SLC6A6: variants seen among roughly 807,000 people sequenced by gnomAD.
SLC6A6 encodes the protein sodium- and chloride-dependent taurine transporter.
Under a neutral mutation model 68.8 loss-of-function variants are expected in SLC6A6, and 16 were observed. The observed-to-expected ratio is 0.23, with a 90% CI of 0.16 to 0.35. The LOEUF is 0.35. Ranked by LOEUF, SLC6A6 falls within the 10% of genes least tolerant of loss-of-function variation. SLC6A6 has a pLI of 1.00. For missense variants in SLC6A6, 474 were observed against 802.8 expected, an observed-to-expected ratio of 0.59 and a Z score of 4.95; for synonymous variants, 312 against 315.4, an observed-to-expected ratio of 0.99 and a Z score of 0.12.
At chr3:14,484,498 C>T (rs914787095) in intron 14 of SLC6A6, among the ~76,000 whole-genome samples, 1 of 152,174 alleles carries the variant, frequency 6.6e-6, no homozygotes, top group Non-Finnish European at 1.5e-5. Context: ...AGGAACTCAA[C>T]TGCTGCTTTG....
At chr3:14,471,931 C>A (rs1700761368) in intron 9 of SLC6A6, among the ~76,000 whole-genome samples, 1 of 152,164 alleles carries the variant, frequency 6.6e-6, no homozygotes, top group South Asian at 2.1e-4. Context: ...CAGTCTGCAT[C>A]CTACCCCAAA....
chr3:14,413,798 A>G (rs893537339), intron 1 of SLC6A6, among the ~76,000 whole-genome samples: 1 of 152,206 alleles, frequency 6.6e-6, no homozygotes, highest in Admixed American at 6.6e-5. Context: ...TGTCATCTGC[A>G]TCCTTCCTCT....
At chr3:14,474,348 G>C (rs1019130561) in intron 10 of SLC6A6, among the ~76,000 whole-genome samples, 1 of 152,180 alleles carries the variant, frequency 6.6e-6, no homozygotes, top group Non-Finnish European at 1.5e-5. Context: ...CTCATGGCAG[G>C]CTTCTGTGTG....
chr3:14,446,339 G>C (rs1700119835), intron 4 of SLC6A6, among the ~76,000 whole-genome samples: 1 of 152,164 alleles, frequency 6.6e-6, no homozygotes, highest in Non-Finnish European at 1.5e-5. Context: ...ACGTATTCTT[G>C]CTTATAGGTG....
chr3:14,433,223 T>C (rs542029717), intron 2 of SLC6A6, among the ~76,000 whole-genome samples: 78 of 152,112 alleles, frequency 5.1e-4, no homozygotes, highest in Non-Finnish European at 1.0e-3. Flanking sequence ...CCAGAGAGAA[T>C]TGCCCCAGGT....
At position 14,487,049 on chromosome 3, in the gene SLC6A6, C is replaced by A. The variant is rs531008953; in HGVS notation, c.*2042C>A. ...TCTTATATAACTTTAGTAAACTAAC[C>A]ACTGTCAATGATTGAGGGCAGGTGG... is the stretch of plus-strand genomic sequence containing the variant. On this transcript the variant is annotated 3_prime_UTR_variant, in exon 15 of 15. Coordinates refer to ENST00000622186, the MANE Select transcript of SLC6A6 (RefSeq NM_003043.6). The A allele has an allele frequency of 6.6e-6, 1 of 152,578 alleles. No homozygotes were observed. Among genetic ancestry groups the A allele is most frequent in the Non-Finnish European group, 1.5e-5 (1 of 68,038 alleles). The allele number at this position is 152,578 out of a possible 1,614,324, so 9.5% of individuals were successfully genotyped here.
intron 2 of SLC6A6, among the ~76,000 whole-genome samples, chr3:14,436,134 G>C (rs1036099579): frequency 1.3e-5 from 2 of 151,380 alleles, no homozygotes; most frequent in Non-Finnish European, 2.9e-5. Flanking sequence ...GAAAGGCTTT[G>C]ATTAATTTCC....
At position 14,448,123 on chromosome 3, in the gene SLC6A6, A is replaced by G; in HGVS notation, c.599+307A>G. 6.7e-6 allele frequency: 7 copies of G among 1,046,572 alleles called. No homozygotes were observed. The South Asian group carries it at 1.8e-4, about 26-fold the overall frequency. The allele number at this position is 1,046,572 out of a possible 1,614,324, so 64.8% of individuals were successfully genotyped here. A position where few individuals can be genotyped will look rare whatever the true frequency, so the allele number is the denominator to read the frequency against. The stretch of plus-strand genomic sequence containing the variant: ...GCAGGTATGCATACTTATGTTGTCT[A>G]AAAATGATACAGTTTTCTTAATGTA... On this transcript the variant is annotated intron_variant, in intron 5 of 14. Coordinates refer to ENST00000622186, the MANE Select transcript of SLC6A6 (RefSeq NM_003043.6).
In SLC6A6 at chr3:14,481,430, G is replaced by C. The variant is rs1300237608; in HGVS notation, c.1552-241G>C. ...CTGACACTCCCGGCTGCACCGAGGA[G>C]TTTGGGCTGCATCTGCTGGCACTGG... On this transcript the variant is annotated intron_variant, in intron 13 of 14. Transcript: ENST00000622186. The surrounding 1 kb of genome is among the most constrained non-coding windows in gnomAD (Gnocchi z 4.7). 6.6e-6 allele frequency among the ~76,000 whole-genome samples: 1 copy of C among 152,176 alleles called. No homozygotes were observed. The highest frequency in any genetic ancestry group is 2.4e-5 in the African/African-American group (1 of 41,440).
chr3:14,417,567 T>TAA (rs567268903), intron 2 of SLC6A6, among the ~76,000 whole-genome samples: 1 of 151,950 alleles, frequency 6.6e-6, no homozygotes, highest in Non-Finnish European at 1.5e-5. Context: ...CTGTCTCTAC[T>TAA]AAAAAACACA....
At position 14,474,243 on chromosome 3, in the gene SLC6A6, G is replaced by A. The variant is rs181289290; in HGVS notation, c.1209+1926G>A. Among the ~76,000 whole-genome samples, 787 of 152,322 alleles carry A rather than the reference G, an allele frequency of 5.2e-3. 2 individuals carry two copies. Among genetic ancestry groups the A allele is most frequent in the Non-Finnish European group, 8.7e-3 (595 of 68,022 alleles). On this transcript the variant is annotated intron_variant, in intron 10 of 14. Coordinates refer to ENST00000622186, the MANE Select transcript of SLC6A6 (RefSeq NM_003043.6). ...TTTGTGAACTTGGGGAAATGGGGAA[G>A]GTTTTGCAGATGCCAGCAGTGTGCC...
At chr3:14,438,602 C>T (rs1341010058) in intron 2 of SLC6A6, among the ~76,000 whole-genome samples, 1 of 152,212 alleles carries the variant, frequency 6.6e-6, no homozygotes, top group African/African-American at 2.4e-5. Context: ...TGTTCTGGGA[C>T]TCTAGGAGCT....
chr3:14,439,953 G>C (rs565597589), intron 2 of SLC6A6, among the ~76,000 whole-genome samples: 1 of 152,294 alleles, frequency 6.6e-6, no homozygotes, highest in Admixed American at 6.5e-5. Flanking sequence ...GGCGTCTCTT[G>C]TCATCTCTGG....
intron 2 of SLC6A6, among the ~76,000 whole-genome samples, chr3:14,421,160 G>T (rs182977863): frequency 1.5e-3 from 235 of 152,314 alleles, no homozygotes; most frequent in African/African-American, 5.5e-3. Context: ...TTTAGGAAAC[G>T]GGATTTAAAA....
rs771439949 is a variant in SLC6A6 at position 14,481,857 on chromosome 3, C to A, written c.1722+16C>A. On this transcript the variant is annotated intron_variant, in intron 14 of 14. Transcript: ENST00000622186. The surrounding 1 kb of genome is among the most constrained non-coding windows in gnomAD (Gnocchi z 4.7). The stretch of plus-strand genomic sequence containing the variant: ...GTTCCTTGTGGTAAGTGCTTGGGCC[C>A]AGGGCCAGGGGAGGTGGGAGGCGCG... 1.2e-6 allele frequency: 2 copies of A among 1,610,728 alleles called. No homozygotes were observed. The highest frequency in any genetic ancestry group is 2.2e-5 in the South Asian group (2 of 90,844).
At position 14,443,824 on chromosome 3, in the gene SLC6A6, G is replaced by A. The variant is rs373450965; in HGVS notation, c.190G>A (p.Val64Ile). ...TGGCGGCTTCGTGGGCTTGGGCAAC[G>A]TCTGGCGCTTCCCGTACCTCTGCTA... ...VAGGFVGLGNVWRFPYLCYKN... is the reference protein window; with the variant it reads ...VAGGFVGLGNIWRFPYLCYKN... Residue 64 changes from valine (V) to isoleucine (I), a missense_variant, in exon 3 of 15, where the codon GTC (valine) becomes ATC (isoleucine). Physicochemically the swap from Val to Ile is conservative, Grantham distance 29. Around this residue, in one of 2 missense-constraint regions of SLC6A6, gnomAD observed 280 missense variants for 533.1 expected, o/e 0.53. Coordinates refer to ENST00000622186, the MANE Select transcript of SLC6A6 (RefSeq NM_003043.6). The A allele has an allele frequency of 1.1e-5, 17 of 1,613,972 alleles. No homozygotes were observed. In the African/African-American group the frequency reaches 1.5e-4, roughly 14 times the overall value.
chr3:14,413,647 T>G (rs1207524773), intron 1 of SLC6A6, among the ~76,000 whole-genome samples: 2 of 152,060 alleles, frequency 1.3e-5, no homozygotes, highest in Non-Finnish European at 2.9e-5. Context: ...CAGGCAATTC[T>G]GCTTTGTATT....
At chr3:14,403,905 A>G (rs541065657) in intron 1 of SLC6A6, among the ~76,000 whole-genome samples, 2 of 152,330 alleles carry the variant, frequency 1.3e-5, no homozygotes, top group South Asian at 2.1e-4. Context: ...TGTGCCGGGT[A>G]GGGCCACCGG....
intron 1 of SLC6A6, among the ~76,000 whole-genome samples, chr3:14,405,917 A>G (rs1056154026): frequency 6.6e-6 from 1 of 152,158 alleles, no homozygotes; most frequent in African/African-American, 2.4e-5. Context: ...GATACAGTGA[A>G]GAAGACCCAA....
Sources: allele counts gnomAD v4.1 joint callset (sites outside exome capture counted in the v4.1 genomes callset), GRCh38; gene constraint gnomAD v4.1.1; regional missense constraint gnomAD v4.1.1; non-coding constraint Gnocchi (gnomAD v3.1); transcripts MANE v1.5; gene names NCBI Gene and HGNC (gene_info 2026-07-23, HGNC 2026-07-21).